The following USH2A variants were observed in gnomAD, a reference collection of about 807,000 sequenced individuals.
USH2A encodes Usher syndrome 2A (autosomal recessive, mild).
Under a neutral mutation model 538.9 loss-of-function variants are expected in USH2A, and 443 were observed. That is an observed-to-expected ratio of 0.82 (90% CI 0.76 to 0.89). USH2A has a LOEUF of 0.89. Ranked by LOEUF, USH2A falls within the 40% of genes least tolerant of loss-of-function variation. USH2A has a pLI of 0.00. For missense variants in USH2A, 6,633 were observed against 6,324.8 expected, an observed-to-expected ratio of 1.05 and a Z score of -1.65; for synonymous variants, 2,413 against 2,273.5, an observed-to-expected ratio of 1.06 and a Z score of -1.75.
chr1:216,019,068 T>C (rs1668784280), intron 32 of USH2A, among the ~76,000 whole-genome samples: 1 of 152,234 alleles, frequency 6.6e-6, no homozygotes, highest in Admixed American at 6.5e-5. Flanking sequence ...TTTTGCTATA[T>C]AGACAATTTA....
At chr1:215,922,491 T>A (rs1417084246) in intron 38 of USH2A, among the ~76,000 whole-genome samples, 1 of 152,132 alleles carries the variant, frequency 6.6e-6, no homozygotes, top group Non-Finnish European at 1.5e-5. Flanking sequence ...TACCTATTTT[T>A]CCCTGAGTAT....
chr1:215,721,771 C>A (rs1659667245), intron 61 of USH2A, among the ~76,000 whole-genome samples: 1 of 152,074 alleles, frequency 6.6e-6, no homozygotes, highest in Admixed American at 6.6e-5. Context: ...ATCATCACAA[C>A]TAAAAAGTTT....
chr1:215,741,366 C>T lies in USH2A; in HGVS notation c.11711+9G>A. ...AATAACTAAAAATAATAGTAACAGCCAATCTTACCTGTAAATAAAGTAGTT... is the reference window on the plus strand; with the variant it reads ...AATAACTAAAAATAATAGTAACAGCTAATCTTACCTGTAAATAAAGTAGTT... On this transcript the variant is annotated intron_variant, in intron 60 of 71. Transcript: ENST00000307340. 2 of 1,613,518 alleles carry T rather than the reference C, an allele frequency of 1.2e-6. No homozygotes were observed. The highest frequency in any genetic ancestry group is 1.1e-5 in the South Asian group (1 of 91,074).
intron 61 of USH2A, among the ~76,000 whole-genome samples, chr1:215,683,202 C>A (rs957584089): frequency 3.3e-5 from 5 of 150,514 alleles, no homozygotes; most frequent in African/African-American, 1.2e-4. Flanking sequence ...CTTTGTTATT[C>A]CTGAATAGTT....
chr1:216,094,955 GGTGT>G lies in USH2A; in HGVS notation c.4758+2124_4758+2127del, dbSNP rs34985923. On this transcript the variant is annotated intron_variant, in intron 22 of 71. Coordinates refer to ENST00000307340, the MANE Select transcript of USH2A (RefSeq NM_206933.4). ...TCAAATGAGTTTATGTGCGTGTGTA[GGTGT>G]GTGTGTGTGTGTGTGTGTGTATAGG... Among the ~76,000 whole-genome samples, 863 of 147,836 alleles carry G rather than the reference GGTGT, an allele frequency of 5.8e-3. 9 individuals carry two copies. The highest frequency in any genetic ancestry group is 0.02 in the African/African-American group (790 of 39,774).
intron 46 of USH2A, among the ~76,000 whole-genome samples, chr1:215,843,234 A>G (rs940828453): frequency 2.0e-5 from 3 of 152,204 alleles, no homozygotes; most frequent in Non-Finnish European, 4.4e-5. Flanking sequence ...TGTGCTTAAT[A>G]TCTTCTGAAA....
chr1:215,710,895 A>C (rs1341633937), intron 61 of USH2A, among the ~76,000 whole-genome samples: 1 of 152,022 alleles, frequency 6.6e-6, no homozygotes, highest in Non-Finnish European at 1.5e-5. Context: ...TTCTGGAATA[A>C]GAAATAAGAA....
At position 215,671,112 on chromosome 1, in the gene USH2A, C is replaced by T; in HGVS notation, c.13993G>A (p.Gly4665Arg). The change falls in exon 64 of 72, where the codon GGA becomes AGA. Residue 4665 changes from glycine (G) to arginine (R), a missense_variant. Transcript: ENST00000307340. ...TATAATTCGTAATACAAAACTTTTC[C>T]ATTTGGCTGCAGCGGTCCTGTCCAC... is the stretch of plus-strand genomic sequence containing the variant. ...LLWTGPLQPNGKVLYYELYRR... is the reference protein window; with the variant it reads ...LLWTGPLQPNRKVLYYELYRR... 1 of 1,614,056 alleles carries T rather than the reference C, an allele frequency of 6.2e-7. No homozygotes were observed. Among genetic ancestry groups the T allele is most frequent in the Non-Finnish European group, 8.5e-7 (1 of 1,180,004 alleles).
intron 13 of USH2A, among the ~76,000 whole-genome samples, chr1:216,244,352 A>C (rs924894048): frequency 2.6e-5 from 4 of 152,252 alleles, no homozygotes; most frequent in African/African-American, 9.6e-5. Flanking sequence ...AAAACTCATA[A>C]AGGTTTGCCC....
At chr1:215,688,636 T>C (rs1658507813) in intron 61 of USH2A, among the ~76,000 whole-genome samples, 1 of 152,138 alleles carries the variant, frequency 6.6e-6, no homozygotes, top group Non-Finnish European at 1.5e-5. Flanking sequence ...TCTTCTGGCT[T>C]ATAGACAGCT....
At chr1:216,196,499 C>T in intron 19 of USH2A, 54 bp downstream of exon 19, 1 of 1,603,808 alleles carries the variant, frequency 6.2e-7, no homozygotes, top group Non-Finnish European at 8.5e-7. Context: ...CAAAAAATGT[C>T]CAAATGAAGC....
At chr1:215,710,653 A>G (rs1056759326) in intron 61 of USH2A, among the ~76,000 whole-genome samples, 2 of 152,236 alleles carry the variant, frequency 1.3e-5, no homozygotes, top group Middle Eastern at 6.8e-3. Context: ...TACAGACACT[A>G]AAAGCATCAT....
At chr1:216,373,604 AC>A (rs879782171) in intron 3 of USH2A, among the ~76,000 whole-genome samples, 11 of 152,204 alleles carry the variant, frequency 7.2e-5, no homozygotes, top group Non-Finnish European at 1.3e-4. Context: ...TGTATTTGCT[AC>A]AAAAAGACAT....
intron 9 of USH2A, among the ~76,000 whole-genome samples, chr1:216,300,278 T>G (rs2037188554): frequency 6.6e-6 from 1 of 152,236 alleles, no homozygotes; most frequent in Admixed American, 6.5e-5. Flanking sequence ...TGGTTTTCTA[T>G]TTCATGTTTT....
At chr1:216,290,416 T>A (rs562932124) in intron 10 of USH2A, among the ~76,000 whole-genome samples, 1 of 152,308 alleles carries the variant, frequency 6.6e-6, no homozygotes, top group African/African-American at 2.4e-5. Context: ...TATTTATGAA[T>A]TAATGAATAT....
chr1:216,224,616 T>C (rs960373618), intron 14 of USH2A, among the ~76,000 whole-genome samples: 60 of 152,300 alleles, frequency 3.9e-4, no homozygotes, highest in African/African-American at 1.4e-3. Flanking sequence ...TTGTGTTGCC[T>C]GGATTTTTGT....
At chr1:215,934,992 A>T (rs996930562) in intron 37 of USH2A, among the ~76,000 whole-genome samples, 197 bp from the exon 38 acceptor site, 1 of 152,046 alleles carries the variant, frequency 6.6e-6, no homozygotes, top group African/African-American at 2.4e-5. Flanking sequence ...GTGCTATCTG[A>T]GTTGACCTGG....
Position 215,625,218 on chromosome 1 carries a change from A to C in USH2A, c.*563T>G, listed in dbSNP as rs1224343166. ...AAATAGAACCTTCAGCCTTGTCAAAAAGTTTGGTAAGTAACCCTATGTATG... is the reference window on the plus strand; with the variant it reads ...AAATAGAACCTTCAGCCTTGTCAAACAGTTTGGTAAGTAACCCTATGTATG... On this transcript the variant is annotated 3_prime_UTR_variant, in exon 72 of 72. Transcript: ENST00000307340. The C allele has an allele frequency of 6.3e-6, 1 of 159,454 alleles. No individual in the cohort carries two copies. Among genetic ancestry groups the C allele is most frequent in the Non-Finnish European group, 1.4e-5 (1 of 72,298 alleles). 9.9% of individuals were successfully genotyped at this position (159,454 alleles called of 1,614,324 possible).
At chr1:215,914,963 T>A (rs1665915126) in intron 38 of USH2A, among the ~76,000 whole-genome samples, 1 of 152,160 alleles carries the variant, frequency 6.6e-6, no homozygotes, top group African/African-American at 2.4e-5. Flanking sequence ...AATGCTAACA[T>A]CTTGATATTC....
Sources: gnomAD v4.1 joint callset for allele counts (sites outside exome capture counted in the v4.1 genomes callset) on GRCh38, gnomAD v4.1.1 for gene constraint, MANE v1.5 for transcripts, NCBI Gene and HGNC (gene_info 2026-07-23, HGNC 2026-07-21) for gene names.